RBFOX1: variants seen among roughly 807,000 people sequenced by gnomAD.
RBFOX1 encodes the protein RNA binding fox-1 homolog 1.
Under a neutral mutation model 57.7 loss-of-function variants are expected in RBFOX1, and 8 were observed. The observed-to-expected ratio is 0.14, with a 90% CI of 0.08 to 0.25. The LOEUF (loss-of-function observed/expected upper bound fraction) is 0.25, where lower values mean the gene tolerates loss of function less well. RBFOX1 is among the 10% of genes least tolerant of loss of function. The pLI is 1.00. For synonymous variants in RBFOX1, 326 were observed against 222.4 expected, an observed-to-expected ratio of 1.47 and a Z score of -4.15; for missense variants, 611 against 548.5, an observed-to-expected ratio of 1.11 and a Z score of -1.14.
In RBFOX1 at chr16:6,621,199, C is replaced by T. The variant is rs371588272; in HGVS notation, c.-63-33404C>T. On this transcript the variant is annotated intron_variant, in intron 2 of 15. Coordinates refer to ENST00000550418, the MANE Select transcript of RBFOX1 (RefSeq NM_018723.4). ...TAGTCAGGCCGGGCGCGGTGGCTCA[C>T]GCCTGTATTCCCAGCACATTGGGAG... Among the ~76,000 whole-genome samples the T allele has an allele frequency of 1.3e-3, 200 of 152,298 alleles. 1 individual carries two copies. Among genetic ancestry groups the T allele is most frequent in the African/African-American group, 4.5e-3 (186 of 41,576 alleles).
chr16:5,617,147 T>G (rs752734616), intron 3 of RBFOX1, among the ~76,000 whole-genome samples: 1 of 151,210 alleles, frequency 6.6e-6, no homozygotes, highest in Non-Finnish European at 1.5e-5. Flanking sequence ...CATTCATGAA[T>G]GCACGCACAG....
At chr16:6,252,715 T>C (rs2097627790) in intron 1 of RBFOX1, among the ~76,000 whole-genome samples, 2 of 152,174 alleles carry the variant, frequency 1.3e-5, no homozygotes, top group Admixed American at 6.5e-5. Context: ...TTGCAACAGA[T>C]ATTCAAACAA....
At chr16:5,549,930 G>A (rs2045389404) in intron 2 of RBFOX1, among the ~76,000 whole-genome samples, 1 of 152,110 alleles carries the variant, frequency 6.6e-6, no homozygotes, top group African/African-American at 2.4e-5. Flanking sequence ...GAGGTTGCTG[G>A]TAGATGTTTG....
At chr16:6,922,378 C>G (rs906959380) in intron 3 of RBFOX1, among the ~76,000 whole-genome samples, 1 of 152,198 alleles carries the variant, frequency 6.6e-6, no homozygotes, top group African/African-American at 2.4e-5. Context: ...CACTAAAGAA[C>G]ATCTGCCACC....
At chr16:6,373,500 C>T (rs1012881903) in intron 2 of RBFOX1, among the ~76,000 whole-genome samples, 2 of 150,594 alleles carry the variant, frequency 1.3e-5, no homozygotes, top group Non-Finnish European at 3.0e-5. Flanking sequence ...AATGGAGATT[C>T]AGTGGAAATG....
intron 13 of RBFOX1, among the ~76,000 whole-genome samples, chr16:7,670,719 C>T (rs980143697): frequency 6.6e-6 from 1 of 152,188 alleles, no homozygotes. Context: ...AAAAAGTATA[C>T]ACAAGCCTTT....
chr16:7,189,636 C>T (rs972857538), intron 4 of RBFOX1, among the ~76,000 whole-genome samples: 2 of 151,616 alleles, frequency 1.3e-5, no homozygotes, highest in Non-Finnish European at 2.9e-5. Flanking sequence ...GCATAATTAT[C>T]TGTATCTCAT....
intron 3 of RBFOX1, among the ~76,000 whole-genome samples, chr16:6,897,639 A>C (rs1297240722): frequency 6.6e-6 from 1 of 151,974 alleles, no homozygotes; most frequent in Non-Finnish European, 1.5e-5. Flanking sequence ...TAAAACAAAA[A>C]AAAATTAGCT....
Position 6,716,755 on chromosome 16 carries a change from T to G in RBFOX1, c.-16+62105T>G, listed in dbSNP as rs113947812. Among the ~76,000 whole-genome samples, 240 of 152,280 alleles carry G rather than the reference T, an allele frequency of 1.6e-3. 1 individual carries two copies. The highest frequency in any genetic ancestry group is 5.6e-3 in the African/African-American group (231 of 41,564). ...CAATTCTATCCAGTTATACTTGTGT[T>G]GGGAAGGGATTTTTTTTTTCCCTGG... On this transcript the variant is annotated intron_variant, in intron 3 of 15. Transcript: ENST00000550418.
chr16:7,471,527 A>T (rs573847992), intron 4 of RBFOX1, among the ~76,000 whole-genome samples: 1 of 152,306 alleles, frequency 6.6e-6, no homozygotes, highest in East Asian at 1.9e-4. Flanking sequence ...CACATAGTCC[A>T]GTTTACTTCT....
chr16:5,892,431 C>G (rs1045757831), intron 4 of RBFOX1, among the ~76,000 whole-genome samples: 2 of 152,042 alleles, frequency 1.3e-5, no homozygotes, highest in African/African-American at 4.8e-5. Flanking sequence ...CTCCTCATCT[C>G]TAGACTAGGG....
At chr16:7,312,557 C>G (rs1013508070) in intron 4 of RBFOX1, among the ~76,000 whole-genome samples, 2 of 152,178 alleles carry the variant, frequency 1.3e-5, no homozygotes, top group African/African-American at 4.8e-5. Context: ...CACTCCGGGT[C>G]TTCTTGGTTC....
chr16:7,552,017 T>A (rs1001036815), intron 5 of RBFOX1, among the ~76,000 whole-genome samples: 1 of 152,184 alleles, frequency 6.6e-6, no homozygotes, highest in Non-Finnish European at 1.5e-5. Flanking sequence ...TTCTCTATGA[T>A]GTTCAGGGCA....
chr16:6,927,082 C>T (rs375314239), intron 3 of RBFOX1, among the ~76,000 whole-genome samples: 1 of 152,006 alleles, frequency 6.6e-6, no homozygotes, highest in African/African-American at 2.4e-5. Flanking sequence ...TACCGATGGG[C>T]CTCAAGCTTG....
rs530037506 is a variant in RBFOX1 at position 5,625,198 on chromosome 16, C to G, written c.318+26237C>G. Among the ~76,000 whole-genome samples, 8 of 151,988 alleles carry G rather than the reference C, an allele frequency of 5.3e-5. No homozygotes were observed. The South Asian group carries it at 1.7e-3, about 31-fold the overall frequency. ...TAGGCTTTACTGGAAGATGAGCCCC[C>G]CAGAACAGGGCAGGATATTTTTTTT... On this transcript the variant is annotated intron_variant, in intron 3 of 19. Coordinates refer to the RBFOX1 transcript ENST00000641259.
intron 2 of RBFOX1, among the ~76,000 whole-genome samples, chr16:6,349,298 T>A (rs2152841401): frequency 6.6e-6 from 1 of 152,294 alleles, no homozygotes; most frequent in Non-Finnish European, 1.5e-5. Flanking sequence ...ACTCAGCTGA[T>A]AAGGAGGCTG....
chr16:7,381,277 G>C (rs1432759551), intron 4 of RBFOX1, among the ~76,000 whole-genome samples: 1 of 152,106 alleles, frequency 6.6e-6, no homozygotes, highest in African/African-American at 2.4e-5. Context: ...GACTTTTCTT[G>C]TTGTCCTTGT....
intron 2 of RBFOX1, among the ~76,000 whole-genome samples, chr16:6,334,896 G>A (rs539006408): frequency 1.3e-5 from 2 of 152,272 alleles, no homozygotes; most frequent in Admixed American, 1.3e-4. Flanking sequence ...ATTTGCTTCT[G>A]GAGACTGGAT....
intron 4 of RBFOX1, among the ~76,000 whole-genome samples, chr16:7,310,095 G>A (rs1399558728): frequency 6.6e-6 from 1 of 152,198 alleles, no homozygotes; most frequent in Non-Finnish European, 1.5e-5. Flanking sequence ...GATAGGGTCA[G>A]CTCTCAGGCA....
Sources: gnomAD v4.1 joint callset for allele counts (sites outside exome capture counted in the v4.1 genomes callset) on GRCh38, gnomAD v4.1.1 for gene constraint, MANE v1.5 for transcripts, NCBI Gene and HGNC (gene_info 2026-07-23, HGNC 2026-07-21) for gene names.